The following GRIK4 variants were observed in gnomAD, a reference collection of about 807,000 sequenced individuals.
GRIK4 encodes the protein glutamate receptor ionotropic, kainate 4.
In GRIK4, 40 loss-of-function variants were observed where a neutral mutation model predicts 104.9. The ratio of observed to expected loss-of-function variants is 0.38; its 90% CI spans 0.30 to 0.50. The LOEUF (loss-of-function observed/expected upper bound fraction) is 0.50, where lower values mean the gene tolerates loss of function less well. GRIK4 is among the 20% of genes least tolerant of loss of function. The pLI is 0.93. For synonymous variants in GRIK4, 485 were observed against 524.9 expected, an observed-to-expected ratio of 0.92 and a Z score of 1.04; for missense variants, 1,047 against 1,308.1, an observed-to-expected ratio of 0.80 and a Z score of 3.08.
chr11:120,814,804 G>T (rs1952901362), intron 4 of GRIK4, among the ~76,000 whole-genome samples: 1 of 152,164 alleles, frequency 6.6e-6, no homozygotes, highest in Non-Finnish European at 1.5e-5. Flanking sequence ...ATTGACAGAT[G>T]AAACTTCTTT....
intron 13 of GRIK4, among the ~76,000 whole-genome samples, chr11:120,921,779 A>G (rs1943233668): frequency 1.3e-5 from 2 of 152,272 alleles, no homozygotes; most frequent in South Asian, 4.2e-4. Flanking sequence ...GTCTGACTCT[A>G]GGATTGACCC....
At chr11:120,964,476 C>T (rs1287874997) in intron 18 of GRIK4, among the ~76,000 whole-genome samples, 1 of 152,122 alleles carries the variant, frequency 6.6e-6, no homozygotes, top group Non-Finnish European at 1.5e-5. Context: ...TTGGTGTCCA[C>T]TAATAATACA....
chr11:120,546,307 A>G (rs1309560488), intron 1 of GRIK4, among the ~76,000 whole-genome samples: 1 of 152,000 alleles, frequency 6.6e-6, no homozygotes, highest in Non-Finnish European at 1.5e-5. Context: ...AGTTCTCAGG[A>G]CTGCACCTTG....
At chr11:120,657,719 C>CTT (rs2135233154) in intron 2 of GRIK4, among the ~76,000 whole-genome samples, 1 of 152,302 alleles carries the variant, frequency 6.6e-6, no homozygotes, top group East Asian at 1.9e-4. Flanking sequence ...GAGGGGTGTT[C>CTT]TTTGGGCAGA....
At chr11:120,929,446 A>G (rs1055879859) in intron 13 of GRIK4, among the ~76,000 whole-genome samples, 27 of 152,112 alleles carry the variant, frequency 1.8e-4, no homozygotes, top group African/African-American at 6.0e-4. Context: ...GGGCATCTCA[A>G]TAGGTGCGGG....
At chr11:120,691,390 A>G (rs752872331) in intron 3 of GRIK4, among the ~76,000 whole-genome samples, 1 of 152,136 alleles carries the variant, frequency 6.6e-6, no homozygotes, top group South Asian at 2.1e-4. Context: ...AGACACTTCG[A>G]TGTGTGATTT....
At chr11:120,622,406 T>C (rs1184780339) in intron 1 of GRIK4, among the ~76,000 whole-genome samples, 1 of 152,212 alleles carries the variant, frequency 6.6e-6, no homozygotes, top group African/African-American at 2.4e-5. Flanking sequence ...TCTGGGTAGT[T>C]TGACTTCAAA....
chr11:120,883,848 C>T (rs895639473), intron 11 of GRIK4, among the ~76,000 whole-genome samples: 1 of 152,222 alleles, frequency 6.6e-6, no homozygotes, highest in African/African-American at 2.4e-5. Flanking sequence ...TGCCAGTTCC[C>T]AGTGACTCTT....
intron 1 of GRIK4, among the ~76,000 whole-genome samples, chr11:120,608,686 G>A (rs1396980542): frequency 2.6e-5 from 4 of 152,154 alleles, no homozygotes; most frequent in East Asian, 1.9e-4. Flanking sequence ...TTTTAACTAC[G>A]GTGCAAACAA....
chr11:120,960,042 A>G (rs1027837833), intron 16 of GRIK4, among the ~76,000 whole-genome samples: 1 of 152,092 alleles, frequency 6.6e-6, no homozygotes, highest in Non-Finnish European at 1.5e-5. Context: ...AAAAAAAAGA[A>G]TTTATCGGCC....
rs142072458 is a variant in GRIK4, at chr11:120,938,495, T to C, written c.1477-1852T>C. ...CTGCTTTATGGGGTGGAACGTGAAT[T>C]GGTGATGGAGGATTGGGGTTGAGGT... On this transcript the variant is annotated intron_variant, in intron 13 of 20. Transcript: ENST00000527524. Among the ~76,000 whole-genome samples the C allele has an allele frequency of 1.3e-3, 200 of 152,296 alleles. 2 individuals carry two copies. The highest frequency in any genetic ancestry group is 4.6e-3 in the African/African-American group (190 of 41,562).
chr11:120,661,152 G>A (rs1019475709), intron 3 of GRIK4, among the ~76,000 whole-genome samples: 7 of 152,182 alleles, frequency 4.6e-5, no homozygotes, highest in Admixed American at 1.3e-4. Flanking sequence ...TCCGGCAGGC[G>A]CAGTGTGGTC....
intron 1 of GRIK4, among the ~76,000 whole-genome samples, chr11:120,529,135 C>T (rs534672227): frequency 3.3e-5 from 5 of 151,820 alleles, no homozygotes; most frequent in South Asian, 4.2e-4. Flanking sequence ...CCCCCCACCC[C>T]GACCCTCATG....
intron 14 of GRIK4, among the ~76,000 whole-genome samples, chr11:120,942,318 C>T (rs1477899721): frequency 6.6e-6 from 1 of 152,214 alleles, no homozygotes; most frequent in Non-Finnish European, 1.5e-5. Context: ...ACTCACTAGG[C>T]AGTCTTCCAG....
intron 15 of GRIK4, among the ~76,000 whole-genome samples, chr11:120,955,898 A>C (rs1010649183): frequency 6.6e-6 from 1 of 151,902 alleles, no homozygotes; most frequent in African/African-American, 2.4e-5. Context: ...AGTGGCTCTC[A>C]GTATGGACAC....
At chr11:120,579,771 C>T (rs1355384479) in intron 1 of GRIK4, among the ~76,000 whole-genome samples, 1 of 152,040 alleles carries the variant, frequency 6.6e-6, no homozygotes, top group Non-Finnish European at 1.5e-5. Context: ...GTTTTACACA[C>T]AGTAAAATTC....
intron 12 of GRIK4, among the ~76,000 whole-genome samples, chr11:120,899,944 TAAA>T (rs1196609334): frequency 1.3e-5 from 2 of 152,260 alleles, no homozygotes; most frequent in East Asian, 3.9e-4. Context: ...TTGGAGATAA[TAAA>T]AAGAGTTCAA....
chr11:120,838,874 C>T (rs1953648075), intron 8 of GRIK4, among the ~76,000 whole-genome samples: 1 of 152,138 alleles, frequency 6.6e-6, no homozygotes, highest in African/African-American at 2.4e-5. Flanking sequence ...CCAACCTCTG[C>T]CTCCCAGGTT....
At chr11:120,691,635 A>C (rs945343162) in intron 3 of GRIK4, among the ~76,000 whole-genome samples, 2 of 152,212 alleles carry the variant, frequency 1.3e-5, no homozygotes, top group African/African-American at 4.8e-5. Context: ...GCAATGTAAG[A>C]GTAGCATTTA....
Sources: allele counts gnomAD v4.1 joint callset (sites outside exome capture counted in the v4.1 genomes callset), GRCh38; gene constraint gnomAD v4.1.1; transcripts MANE v1.5; gene names NCBI Gene and HGNC (gene_info 2026-07-23, HGNC 2026-07-21).